Variants in HACE1 observed in about 807,000 individuals in gnomAD.
The protein encoded by HACE1 is HECT domain and ankyrin repeat containing E3 ubiquitin protein ligase 1.
HACE1 carries 73 observed loss-of-function variants against 118.4 expected under a neutral mutation model. That is an observed-to-expected ratio of 0.62 (90% CI 0.51 to 0.75). The LOEUF (loss-of-function observed/expected upper bound fraction) is 0.75. HACE1 is among the 30% of genes least tolerant of loss of function. HACE1 has a pLI of 0.00. For missense variants in HACE1, 749 were observed against 1,102.2 expected (o/e 0.68, Z 4.54); for synonymous variants, 368 against 374.8 (o/e 0.98, Z 0.21).
intron 22 of HACE1, among the ~76,000 whole-genome samples, chr6:104,732,579 G>A (rs1313300756): frequency 6.6e-6 from 1 of 152,136 alleles, no homozygotes; most frequent in Non-Finnish European, 1.5e-5. Context: ...TACAGTTTCA[G>A]TTGGGAAAGA....
intron 19 of HACE1, among the ~76,000 whole-genome samples, chr6:104,763,913 G>A (rs1214409176): frequency 2.6e-5 from 4 of 152,030 alleles, no homozygotes; most frequent in African/African-American, 9.7e-5. Context: ...AGCCAGGTGT[G>A]GTGGTAGGCG....
chr6:104,832,886 G>A (rs1774148278), intron 6 of HACE1, among the ~76,000 whole-genome samples, 156 bp downstream of exon 6: 2 of 151,872 alleles, frequency 1.3e-5, no homozygotes, highest in Non-Finnish European at 2.9e-5. Context: ...GCAACAAAGT[G>A]AGGCCCTGTC....
chr6:104,763,576 CCTAA>C (rs973714382), intron 19 of HACE1, among the ~76,000 whole-genome samples: 7 of 151,682 alleles, frequency 4.6e-5, no homozygotes, highest in Non-Finnish European at 7.4e-5. Context: ...TACACTTACA[CCTAA>C]CTACTTAATG....
chr6:104,765,690 A>G (rs1779921290), intron 19 of HACE1, among the ~76,000 whole-genome samples: 1 of 152,164 alleles, frequency 6.6e-6, no homozygotes, highest in Non-Finnish European at 1.5e-5. Context: ...TCACTTCATT[A>G]TGATAGATCT....
chr6:104,787,870 TAGA>T (rs1332993266), intron 11 of HACE1, among the ~76,000 whole-genome samples: 1 of 152,094 alleles, frequency 6.6e-6, no homozygotes, highest in African/African-American at 2.4e-5. Flanking sequence ...AGCAAATAAT[TAGA>T]AGAATGAGAA....
At chr6:104,850,595 T>C (rs904858066) in intron 3 of HACE1, among the ~76,000 whole-genome samples, 2 of 152,160 alleles carry the variant, frequency 1.3e-5, no homozygotes, top group African/African-American at 4.8e-5. Context: ...ATATAAAATC[T>C]CATATTGCTG....
chr6:104,764,339 A>C (rs1347576566), intron 19 of HACE1, among the ~76,000 whole-genome samples: 2 of 152,146 alleles, frequency 1.3e-5, no homozygotes, highest in African/African-American at 4.8e-5. Context: ...CGGCCTCCCA[A>C]AGTGCTGGGA....
At chr6:104,859,468 T>G in intron 1 of HACE1, 99 bp downstream of exon 1, 12 of 892,038 alleles carry the variant, frequency 1.3e-5, no homozygotes, top group South Asian at 5.2e-5. Context: ...TTTCTCAGCT[T>G]TCAGTTAGTT....
intron 11 of HACE1, 149 bp from the exon 12 acceptor site, chr6:104,785,468 A>C (rs890432258): frequency 3.2e-6 from 2 of 620,934 alleles, no homozygotes; most frequent in Admixed American, 5.8e-5. Flanking sequence ...AGTAATGCCT[A>C]AAGGTAAGTA....
At chr6:104,848,191 C>T (rs148771269) in intron 4 of HACE1, among the ~76,000 whole-genome samples, 8,192 of 151,128 alleles carry the variant, frequency 0.054, 261 homozygotes, top group East Asian at 0.12. Context: ...TGCGGTGGCT[C>T]ACGCCTGTAA....
chr6:104,834,623 A>G (rs886711571), intron 5 of HACE1, among the ~76,000 whole-genome samples: 3 of 152,222 alleles, frequency 2.0e-5, no homozygotes, highest in African/African-American at 7.2e-5. Flanking sequence ...TTAAAAGACT[A>G]GATCCATAAA....
intron 22 of HACE1, among the ~76,000 whole-genome samples, chr6:104,734,357 G>A (rs932274135): frequency 6.6e-6 from 1 of 151,924 alleles, no homozygotes; most frequent in Non-Finnish European, 1.5e-5. Context: ...CAGACCTGTA[G>A]AAAGATACTT....
rs1782233425 is a variant in HACE1, at chr6:104,785,270, G to A, written c.1124C>T (p.Ala375Val). ...HSLDEWLVLI[A>V]TELMKNKRDS... ...TCTTTTGTTTTTCATCAATTCTGTG[G>A]CTATTAAAACTAGCCATTCATCTAA... Residue 375 changes from alanine to valine, a missense_variant, in exon 12 of 24, where the codon GCC becomes GTC. By Grantham distance (64) the Ala-to-Val change is moderately conservative (BLOSUM62 0). Transcript: ENST00000262903. The A allele has an allele frequency of 6.2e-7, 1 of 1,612,076 alleles. No homozygotes were observed. Among genetic ancestry groups the A allele is most frequent in the African/African-American group, 1.3e-5 (1 of 74,744 alleles).
intron 14 of HACE1, among the ~76,000 whole-genome samples, chr6:104,782,108 A>T (rs1233666435): frequency 1.3e-5 from 2 of 152,222 alleles, no homozygotes; most frequent in Admixed American, 6.5e-5. Flanking sequence ...CTATATTAAA[A>T]ACAGCAGACT....
intron 22 of HACE1, chr6:104,732,510 T>C (rs1375826432): frequency 1.3e-5 from 2 of 152,114 alleles, no homozygotes; most frequent in Non-Finnish European, 2.9e-5. Flanking sequence ...TTCGTAGACA[T>C]AAAATTGGTG....
chr6:104,779,874 A>C (rs9499970), intron 14 of HACE1, among the ~76,000 whole-genome samples: 1 of 152,022 alleles, frequency 6.6e-6, no homozygotes, highest in African/African-American at 2.4e-5. Flanking sequence ...TATAATAATC[A>C]TAATAATAAA....
chr6:104,753,331 G>A lies in HACE1; in HGVS notation c.2212-2859C>T, dbSNP rs1332994718. On this transcript the variant is annotated intron_variant, in intron 19 of 23. Transcript: ENST00000262903. ...CCACCTGCTGGCTTTGGAGAATACA[G>A]GCGGTCCAGAAAAGGTAGGGTCCCC... Among the ~76,000 whole-genome samples, 6 of 152,154 alleles carry A rather than the reference G, an allele frequency of 3.9e-5. 1 individual carries two copies. Among genetic ancestry groups the A allele is most frequent in the African/African-American group, 1.2e-4 (5 of 41,428 alleles).
At chr6:104,762,806 C>T (rs1029318910) in intron 19 of HACE1, among the ~76,000 whole-genome samples, 40 of 151,714 alleles carry the variant, frequency 2.6e-4, no homozygotes, top group African/African-American at 9.4e-4. Flanking sequence ...CTGGCTAACA[C>T]AGTGAAACCC....
intron 14 of HACE1, among the ~76,000 whole-genome samples, chr6:104,777,796 G>T (rs1257291113): frequency 6.6e-6 from 1 of 152,116 alleles, no homozygotes; most frequent in Non-Finnish European, 1.5e-5. Context: ...GTCTCACTCT[G>T]TTGTCCAGGC....
Sources: allele counts gnomAD v4.1 joint callset (sites outside exome capture counted in the v4.1 genomes callset), GRCh38; gene constraint gnomAD v4.1.1; transcripts MANE v1.5; gene names NCBI Gene and HGNC (gene_info 2026-07-23, HGNC 2026-07-21).